The following PTK2B variants were observed in gnomAD, a reference collection of about 807,000 sequenced individuals.
PTK2B encodes protein-tyrosine kinase 2-beta.
Under a neutral mutation model 142.9 loss-of-function variants are expected in PTK2B, and 71 were observed. That is an observed-to-expected ratio of 0.50 (90% CI 0.41 to 0.61). The LOEUF is 0.61. Ranked by LOEUF, PTK2B falls within the 20% of genes least tolerant of loss-of-function variation. PTK2B has a pLI of 0.00. For missense variants in PTK2B, 1,105 were observed against 1,320.4 expected (o/e 0.84, Z 2.53); for synonymous variants, 519 against 503.4 (o/e 1.03, Z -0.42).
At chr8:27,442,602 G>T (rs1400977833) in intron 21 of PTK2B, among the ~76,000 whole-genome samples, 1 of 152,218 alleles carries the variant, frequency 6.6e-6, no homozygotes, top group Admixed American at 6.5e-5. Flanking sequence ...GGCTCCTGCT[G>T]CATGTTTGGG....
chr8:27,371,042 C>G (rs764346849), intron 1 of PTK2B, among the ~76,000 whole-genome samples: 1 of 152,060 alleles, frequency 6.6e-6, no homozygotes, highest in Non-Finnish European at 1.5e-5. Flanking sequence ...GCTACAGGTG[C>G]TCGCCACCAC....
intron 1 of PTK2B, among the ~76,000 whole-genome samples, chr8:27,364,189 C>G (rs1805884162): frequency 6.6e-6 from 1 of 152,190 alleles, no homozygotes; most frequent in Non-Finnish European, 1.5e-5. Flanking sequence ...CAGCTTTGCC[C>G]TCTGTGCCAC....
At chr8:27,392,059 C>G (rs1411746599) in intron 1 of PTK2B, among the ~76,000 whole-genome samples, 1 of 152,188 alleles carries the variant, frequency 6.6e-6, no homozygotes, top group Non-Finnish European at 1.5e-5. Context: ...GAGTTTTTGG[C>G]TCATGAGTTG....
chr8:27,412,647 T>C (rs1480369564), intron 2 of PTK2B, among the ~76,000 whole-genome samples: 2 of 152,144 alleles, frequency 1.3e-5, no homozygotes, highest in South Asian at 2.1e-4. Context: ...GCTCCCAAGG[T>C]CTTCCTTACC....
intron 1 of PTK2B, among the ~76,000 whole-genome samples, chr8:27,393,233 G>T (rs1807829348): frequency 6.6e-6 from 1 of 152,306 alleles, no homozygotes; most frequent in South Asian, 2.1e-4. Context: ...GCAGATTGTT[G>T]TGCAAAGAAC....
At chr8:27,348,335 C>G (rs1236663723) in intron 1 of PTK2B, among the ~76,000 whole-genome samples, 2 of 152,190 alleles carry the variant, frequency 1.3e-5, no homozygotes, top group African/African-American at 4.8e-5. Flanking sequence ...CCTGTTTCCT[C>G]TGCATGACAG....
intron 1 of PTK2B, among the ~76,000 whole-genome samples, chr8:27,382,232 GCCA>G (rs1807071325): frequency 6.6e-6 from 1 of 152,170 alleles, no homozygotes; most frequent in Non-Finnish European, 1.5e-5. Flanking sequence ...ATAGGTGTGA[GCCA>G]CCACACCTGG....
intron 2 of PTK2B, among the ~76,000 whole-genome samples, chr8:27,400,242 T>C (rs986894001): frequency 1.3e-5 from 2 of 152,186 alleles, no homozygotes; most frequent in African/African-American, 2.4e-5. Flanking sequence ...TCTGAACAGA[T>C]TCTTTTGCAA....
At chr8:27,369,846 A>T (rs916813222) in intron 1 of PTK2B, among the ~76,000 whole-genome samples, 2 of 151,724 alleles carry the variant, frequency 1.3e-5, no homozygotes, top group Non-Finnish European at 2.9e-5. Flanking sequence ...GCATGGTGGC[A>T]TGTGCCTGTA....
At chr8:27,312,661 T>G (rs1007622146) in intron 2 of PTK2B, among the ~76,000 whole-genome samples, 66 of 152,176 alleles carry the variant, frequency 4.3e-4, no homozygotes, top group African/African-American at 1.4e-3. Flanking sequence ...TGCCCTCCTA[T>G]CTCTCAGTCC....
chr8:27,329,718 A>G (rs925742193), intron 1 of PTK2B, among the ~76,000 whole-genome samples: 2 of 152,060 alleles, frequency 1.3e-5, no homozygotes, highest in Admixed American at 1.3e-4. Context: ...GAGCAGGGAT[A>G]GTGGTGACTC....
intron 1 of PTK2B, among the ~76,000 whole-genome samples, chr8:27,331,801 T>G (rs1344095453): frequency 6.6e-6 from 1 of 152,194 alleles, no homozygotes; most frequent in Non-Finnish European, 1.5e-5. Flanking sequence ...TGTACTGATT[T>G]AGGGTTTCTG....
rs141162220 is a variant in PTK2B at position 27,393,024 on chromosome 8, G to A, written c.-37-4524G>A. On this transcript the variant is annotated intron_variant, in intron 1 of 30. Transcript: ENST00000346049. Reference sequence around the variant, plus strand: ...CTTTATCTTTCGTGGAGTTTGTGCCGCCCTTAGGGGATTTCACCTTCTTCC... The same window carrying A: ...CTTTATCTTTCGTGGAGTTTGTGCCACCCTTAGGGGATTTCACCTTCTTCC... 6.4e-3 allele frequency among the ~76,000 whole-genome samples: 981 copies of A among 152,312 alleles called. 8 individuals are homozygous for A. The highest frequency in any genetic ancestry group is 0.021 in the African/African-American group (889 of 41,564).
chr8:27,440,398 C>T lies in PTK2B; in HGVS notation c.1996C>T (p.Pro666Ser). 7.4e-6 allele frequency: 12 copies of T among 1,614,150 alleles called. No individual in the cohort carries two copies. The highest frequency in any genetic ancestry group is 1.0e-5 in the Non-Finnish European group (12 of 1,180,038). ...TLMTRCWDYD[P>S]SDRPRFTELV... The stretch of plus-strand genomic sequence containing the variant: ...CATGACCCGCTGCTGGGACTACGAC[C>T]CCAGTGACCGGCCCCGCTTCACCGA... The change falls in exon 21 of 31, where the codon CCC becomes TCC. Residue 666 changes from proline to serine, a missense_variant. By Grantham distance (74) the Pro-to-Ser change is moderately conservative. Coordinates refer to ENST00000346049, the MANE Select transcript of PTK2B (RefSeq NM_173176.3).
At chr8:27,399,552 A>C (rs1363796339) in intron 2 of PTK2B, among the ~76,000 whole-genome samples, 1 of 152,226 alleles carries the variant, frequency 6.6e-6, no homozygotes, top group South Asian at 2.1e-4. Context: ...GGGGCAAGAT[A>C]TTCCTGGAGT....
At chr8:27,364,076 A>T (rs1327962926) in intron 1 of PTK2B, among the ~76,000 whole-genome samples, 2 of 152,212 alleles carry the variant, frequency 1.3e-5, no homozygotes, top group African/African-American at 4.8e-5. Context: ...GCGCTGAAAC[A>T]GCTGCATCAG....
At chr8:27,314,231 T>C (rs1803044478) in intron 3 of PTK2B, among the ~76,000 whole-genome samples, 1 of 152,226 alleles carries the variant, frequency 6.6e-6, no homozygotes, top group South Asian at 2.1e-4. Flanking sequence ...CCATTTCCAG[T>C]CTATCTTTAG....
chr8:27,445,933 G>T lies in PTK2B; in HGVS notation c.2340+14G>T, dbSNP rs575041595. The T allele has an allele frequency of 5.0e-6, 8 of 1,612,668 alleles. No homozygotes were observed. In the African/African-American group the frequency reaches 1.1e-4, roughly 21 times the overall value. On this transcript the variant is annotated intron_variant, in intron 24 of 30. Transcript: ENST00000346049. ...CACAGCATGCGGGTAAGAGGGCTCT[G>T]CATGCTGGTCCCTGCCCGGACTGAG...
intron 4 of PTK2B, 151 bp downstream of exon 4, chr8:27,420,895 A>G (rs983991994): frequency 5.0e-5 from 35 of 704,162 alleles, no homozygotes; most frequent in African/African-American, 3.2e-4. Context: ...TCCTTGGTCT[A>G]TGGTCCGCGG....
Sources: gnomAD v4.1 joint callset for allele counts (sites outside exome capture counted in the v4.1 genomes callset) on GRCh38, gnomAD v4.1.1 for gene constraint, MANE v1.5 for transcripts, NCBI Gene and HGNC (gene_info 2026-07-23, HGNC 2026-07-21) for gene names.